Variants in MAPK10 observed in about 807,000 individuals in gnomAD.
MAPK10 encodes the protein mitogen-activated protein kinase 10, also known as JNK3 alpha protein kinase.
MAPK10 carries 25 observed loss-of-function variants against 59.3 expected under a neutral mutation model. The ratio of observed to expected loss-of-function variants is 0.42; its 90% CI spans 0.31 to 0.59. The LOEUF (loss-of-function observed/expected upper bound fraction) is 0.59. Ranked by LOEUF, MAPK10 falls within the 20% of genes least tolerant of loss-of-function variation. The pLI, the probability that MAPK10 is intolerant of heterozygous loss-of-function variation, is 0.15. For missense variants in MAPK10, 351 were observed against 568.9 expected (o/e 0.62, Z 3.90); for synonymous variants, 190 against 200.5 (o/e 0.95, Z 0.44).
At chr4:86,405,319 T>C (rs1385575309) in intron 1 of MAPK10, among the ~76,000 whole-genome samples, 5 of 152,186 alleles carry the variant, frequency 3.3e-5, no homozygotes, top group Non-Finnish European at 7.4e-5. Flanking sequence ...CTGTATAATA[T>C]GCTATAATAA....
At chr4:86,590,603 G>A (rs912611377) in intron 1 of MAPK10, among the ~76,000 whole-genome samples, 4 of 151,966 alleles carry the variant, frequency 2.6e-5, no homozygotes, top group Non-Finnish European at 5.9e-5. Flanking sequence ...GGGCAACATA[G>A]CAAGACCCCT....
Position 86,212,661 on chromosome 4 carries a change from C to A in MAPK10, c.-6-18254G>T, listed in dbSNP as rs185723569. Among the ~76,000 whole-genome samples, 201 of 152,108 alleles carry A rather than the reference C, an allele frequency of 1.3e-3. 2 individuals are homozygous for A. Among genetic ancestry groups the A allele is most frequent in the African/African-American group, 4.7e-3 (197 of 41,500 alleles). ...CAGGACACTGTATTAATAAAGCATT[C>A]AATATAAAAGAAGATATAACAATTA... On this transcript the variant is annotated intron_variant, in intron 2 of 13. Coordinates refer to ENST00000641462, the MANE Select transcript of MAPK10 (RefSeq NM_138982.4).
intron 11 of MAPK10, among the ~76,000 whole-genome samples, chr4:86,060,848 T>C (rs2045624059): frequency 6.6e-6 from 1 of 152,158 alleles, no homozygotes; most frequent in African/African-American, 2.4e-5. Flanking sequence ...ATCATTGTCA[T>C]CATTGTTCAA....
chr4:86,358,981 C>A (rs993768023), intron 1 of MAPK10: 7 of 152,102 alleles, frequency 4.6e-5, no homozygotes, highest in African/African-American at 1.7e-4. Context: ...TTCCTCTTAT[C>A]TCTAACCTGA....
chr4:86,548,768 C>G (rs890580286), intron 1 of MAPK10, among the ~76,000 whole-genome samples: 1 of 152,118 alleles, frequency 6.6e-6, no homozygotes, highest in Non-Finnish European at 1.5e-5. Flanking sequence ...CACTCTGACC[C>G]TGGTGATTTT....
At chr4:86,332,215 T>G (rs2096170961) in intron 2 of MAPK10, among the ~76,000 whole-genome samples, 1 of 152,162 alleles carries the variant, frequency 6.6e-6, no homozygotes, top group South Asian at 2.1e-4. Context: ...TAAATGCATA[T>G]TACATTTAAA....
At chr4:86,389,502 G>A (rs531047780) in intron 1 of MAPK10, among the ~76,000 whole-genome samples, 8 of 152,264 alleles carry the variant, frequency 5.3e-5, no homozygotes, top group South Asian at 2.1e-4. Context: ...ACTCCCCTAC[G>A]GGATAGTTTT....
intron 1 of MAPK10, among the ~76,000 whole-genome samples, chr4:86,486,920 T>C (rs771345482): frequency 3.9e-5 from 6 of 152,170 alleles, no homozygotes; most frequent in Non-Finnish European, 5.9e-5. Context: ...ATCACTGATG[T>C]CTTATGCAGC....
At chr4:86,438,314 T>G (rs1370820436) in intron 1 of MAPK10, among the ~76,000 whole-genome samples, 2 of 152,216 alleles carry the variant, frequency 1.3e-5, no homozygotes, top group East Asian at 3.8e-4. Flanking sequence ...GCATTTTATC[T>G]TTATGATGAT....
chr4:86,078,295 G>A (rs2049918351), intron 9 of MAPK10, among the ~76,000 whole-genome samples: 1 of 152,182 alleles, frequency 6.6e-6, no homozygotes, highest in Admixed American at 6.5e-5. Context: ...ACACCTGTTT[G>A]TTAACTTGGG....
intron 1 of MAPK10, among the ~76,000 whole-genome samples, chr4:86,423,657 T>G (rs1333584218): frequency 6.6e-6 from 1 of 151,376 alleles, no homozygotes; most frequent in African/African-American, 2.4e-5. Flanking sequence ...GGCATTAATA[T>G]AGGAATAGCA....
chr4:86,342,907 T>G (rs1725844353), intron 2 of MAPK10, among the ~76,000 whole-genome samples: 1 of 152,190 alleles, frequency 6.6e-6, no homozygotes, highest in South Asian at 2.1e-4. Context: ...CCAGAATCAT[T>G]TTCTTAAACC....
At chr4:86,420,996 C>T (rs1291548142) in intron 1 of MAPK10, among the ~76,000 whole-genome samples, 8 of 151,796 alleles carry the variant, frequency 5.3e-5, no homozygotes, top group East Asian at 1.9e-4. Flanking sequence ...GCAGGAGAAT[C>T]GCTTGAACCC....
chr4:86,107,360 G>C lies in MAPK10; in HGVS notation c.237-8C>G. ...ACAGCATCATACGCGGCACTGTAGA[G>C]ATCCAAGAGCAACTCAGAATTAAGA... On this transcript the variant is annotated splice_polypyrimidine_tract_variant and splice_region_variant and intron_variant, in intron 4 of 13. Coordinates refer to ENST00000641462, the MANE Select transcript of MAPK10 (RefSeq NM_138982.4). The C allele has an allele frequency of 5.6e-6, 9 of 1,603,842 alleles. No individual in the cohort carries two copies. The highest frequency in any genetic ancestry group is 7.6e-6 in the Non-Finnish European group (9 of 1,176,612).
intron 13 of MAPK10, among the ~76,000 whole-genome samples, chr4:86,021,398 C>A (rs1478114222): frequency 6.6e-6 from 1 of 152,080 alleles, no homozygotes; most frequent in South Asian, 2.1e-4. Context: ...CAAGGCCCCA[C>A]CAGAGCAGCT....
At chr4:86,593,487 C>G (rs554082648) in intron 1 of MAPK10, among the ~76,000 whole-genome samples, 1 of 152,268 alleles carries the variant, frequency 6.6e-6, no homozygotes, top group Admixed American at 6.5e-5. Context: ...AGGAGGGGTA[C>G]AGCTGTCTGG....
intron 2 of MAPK10, among the ~76,000 whole-genome samples, chr4:86,205,871 T>C (rs925395443): frequency 2.0e-5 from 3 of 151,942 alleles, no homozygotes; most frequent in African/African-American, 7.2e-5. Context: ...TATTTAATGA[T>C]GAAAACAAGA....
chr4:86,410,123 T>C (rs1744943108), intron 1 of MAPK10, among the ~76,000 whole-genome samples: 1 of 152,224 alleles, frequency 6.6e-6, no homozygotes, highest in Non-Finnish European at 1.5e-5. Flanking sequence ...GCTGTTGAAT[T>C]TTCTCAAAGG....
intron 3 of MAPK10, among the ~76,000 whole-genome samples, chr4:86,188,227 T>C (rs1031719626): frequency 3.9e-5 from 6 of 152,196 alleles, no homozygotes; most frequent in Admixed American, 3.9e-4. Flanking sequence ...TTTGTCTTTA[T>C]AGTTGAATGA....
Sources: gnomAD v4.1 joint callset for allele counts (sites outside exome capture counted in the v4.1 genomes callset) on GRCh38, gnomAD v4.1.1 for gene constraint, MANE v1.5 for transcripts, NCBI Gene and HGNC (gene_info 2026-07-23, HGNC 2026-07-21) for gene names.